Variants in ESRRA observed in about 807,000 individuals in gnomAD.
ESRRA encodes estrogen related receptor alpha.
A neutral mutation model predicts 35.6 loss-of-function variants in ESRRA; 7 were observed. The ratio of observed to expected loss-of-function variants is 0.20; its 90% CI spans 0.11 to 0.37. The LOEUF is 0.37. Ranked by LOEUF, ESRRA falls within the 10% of genes least tolerant of loss-of-function variation. The pLI, the probability that ESRRA is intolerant of heterozygous loss-of-function variation, is 1.00. For missense variants in ESRRA, 378 were observed against 561.7 expected (o/e 0.67, Z 3.31); for synonymous variants, 223 against 246.9 (o/e 0.90, Z 0.91).
rs543145308 is a variant in ESRRA, at chr11:64,313,759, C to T, written c.326-192C>T. The T allele has an allele frequency of 7.3e-4, 401 of 546,008 alleles. No individual in the cohort carries two copies. Among genetic ancestry groups the T allele is most frequent in the Admixed American group, 1.3e-3 (42 of 31,270 alleles). The allele number at this position is 546,008 out of a possible 1,614,324, so 33.8% of individuals were successfully genotyped here. ...GCAGCCCCGCTGCCTGGTCCAGCTC[C>T]TCCCTCATCCAGGCAGGGCTCCCCC... On this transcript the variant is annotated intron_variant, in intron 2 of 6. Transcript: ENST00000000442. This position sits in a 1 kb window ranked among gnomAD's most constrained non-coding sequence, Gnocchi z 4.0.
In ESRRA at chr11:64,309,209, C is replaced by T. The variant is rs200053643; in HGVS notation, c.325+1705C>T. Among the ~76,000 whole-genome samples, 293 of 151,812 alleles carry T rather than the reference C, an allele frequency of 1.9e-3. 2 individuals carry two copies. Among genetic ancestry groups the T allele is most frequent in the East Asian group, 0.017 (86 of 5,154 alleles). On this transcript the variant is annotated intron_variant, in intron 2 of 6. Coordinates refer to ENST00000000442, the MANE Select transcript of ESRRA (RefSeq NM_004451.5). ...CAGCACTTTGGGAGGCTGAGGCAGA[C>T]GGATCACGAGGTCAGGAGTTCGAGA...
intron 1 of ESRRA, chr11:64,306,668 G>C (rs1476192253): frequency 6.5e-6 from 1 of 153,254 alleles, no homozygotes; most frequent in African/African-American, 2.4e-5. Context: ...GAGCCTGCGT[G>C]GGCTTGTGGG....
Position 64,315,758 on chromosome 11 carries a change from T to C in ESRRA, c.1064T>C (p.Leu355Pro). The change falls in exon 7 of 7, where the codon CTG (leucine) becomes CCG (proline). Residue 355 changes from leucine to proline, a missense_variant. Physicochemically the swap from Leu to Pro is moderately conservative, Grantham distance 98. Coordinates refer to ENST00000000442, the MANE Select transcript of ESRRA (RefSeq NM_004451.5). Reference protein sequence around the residue: ...AEAVEQLREALHEALLEYEAG... With the variant: ...AEAVEQLREAPHEALLEYEAG... The stretch of plus-strand genomic sequence containing the variant: ...GCTGTGGAGCAGCTGCGAGAAGCTC[T>C]GCACGAGGCCCTGCTGGAGTATGAA... The C allele has an allele frequency of 6.2e-7, 1 of 1,613,908 alleles. No individual in the cohort carries two copies. Among genetic ancestry groups the C allele is most frequent in the Non-Finnish European group, 8.5e-7 (1 of 1,179,798 alleles).
chr11:64,307,692 G>A (rs1414635357), intron 2 of ESRRA, among the ~76,000 whole-genome samples, 188 bp downstream of exon 2: 2 of 152,212 alleles, frequency 1.3e-5, no homozygotes, highest in African/African-American at 4.8e-5. Context: ...CTGATGCATT[G>A]CAGTGGATGT....
chr11:64,315,813 TGAGC>T lies in ESRRA; in HGVS notation c.1121_1124del (p.Glu374GlyfsTer28), dbSNP rs1231401604. ...GCCGGGCTGGCCCCGGAGGGGGTGC[TGAGC>T]GGCGGCGGGCGGGCAGGCTGCTGCT... is the stretch of plus-strand genomic sequence containing the variant. On this transcript the variant is annotated frameshift_variant, in exon 7 of 7. Coordinates refer to ENST00000000442, the MANE Select transcript of ESRRA (RefSeq NM_004451.5). LOFTEE classifies it high-confidence loss of function. 6.2e-7 allele frequency: 1 copy of T among 1,612,122 alleles called. No homozygotes were observed. Among genetic ancestry groups the T allele is most frequent in the African/African-American group, 1.3e-5 (1 of 74,870 alleles).
At chr11:64,310,882 A>G (rs1338106719) in intron 2 of ESRRA, among the ~76,000 whole-genome samples, 1 of 152,062 alleles carries the variant, frequency 6.6e-6, no homozygotes, top group African/African-American at 2.4e-5. Context: ...AAAATCCACC[A>G]ATCTTAAACT....
chr11:64,315,309 G>A (rs369589373), intron 6 of ESRRA, 39 bp downstream of exon 6: 243 of 1,518,580 alleles, frequency 1.6e-4, no homozygotes, highest in Non-Finnish European at 1.9e-4. Flanking sequence ...AGGTGTCTCC[G>A]TAAGGTCTTC....
chr11:64,307,080 G>A, intron 1 of ESRRA, 88 bp from the exon 2 acceptor site: 6 of 1,158,790 alleles, frequency 5.2e-6, no homozygotes, highest in Non-Finnish European at 7.3e-6. Flanking sequence ...CCTGGCCCTA[G>A]GCCCGAGGTT....
At position 64,313,982 on chromosome 11, in the gene ESRRA, C is replaced by T. The variant is rs375989975; in HGVS notation, c.357C>T (p.Asn119=). The change falls in exon 3 of 7, where the codon AAC becomes AAT. Residue 119 remains asparagine, a synonymous_variant. Coordinates refer to ENST00000000442, the MANE Select transcript of ESRRA (RefSeq NM_004451.5). This position sits in a 1 kb window ranked among gnomAD's most constrained non-coding sequence, Gnocchi z 4.0. Reference sequence around the variant, plus strand: ...TCGAGTACAGCTGTCCGGCCTCCAACGAGTGTGAGATCACCAAGCGGAGAC... The same window carrying T: ...TCGAGTACAGCTGTCCGGCCTCCAATGAGTGTGAGATCACCAAGCGGAGAC... ...GSIEYSCPAS[N]ECEITKRRRK... is the part of the protein sequence containing the mutation. The T allele has an allele frequency of 1.5e-5, 23 of 1,582,594 alleles. No homozygotes were observed. Among genetic ancestry groups the T allele is most frequent in the African/African-American group, 1.1e-4 (8 of 74,428 alleles).
intron 2 of ESRRA, among the ~76,000 whole-genome samples, chr11:64,310,939 G>A (rs916777364): frequency 6.6e-6 from 1 of 152,184 alleles, no homozygotes. Context: ...GCCGGCCAGG[G>A]TGCGGGTATC....
chr11:64,307,528 G>T, intron 2 of ESRRA, 24 bp downstream of exon 2: 1 of 1,482,858 alleles, frequency 6.7e-7, no homozygotes, highest in Non-Finnish European at 9.0e-7. Context: ...CCACTCCCCT[G>T]TCCTTTGCCC....
At chr11:64,309,124 C>T (rs1184901825) in intron 2 of ESRRA, among the ~76,000 whole-genome samples, 1 of 149,630 alleles carries the variant, frequency 6.7e-6, no homozygotes, top group East Asian at 2.0e-4. Flanking sequence ...AAAACAAAAA[C>T]AAAAACAAAA....
At chr11:64,308,346 C>G (rs1223393404) in intron 2 of ESRRA, among the ~76,000 whole-genome samples, 2 of 151,422 alleles carry the variant, frequency 1.3e-5, no homozygotes, top group African/African-American at 4.9e-5. Context: ...GAAACCGCAT[C>G]TCTACTAAAA....
At position 64,305,563 on chromosome 11, in the gene ESRRA, C is replaced by T. The variant is rs2035013947; in HGVS notation, c.-186C>T. The T allele has an allele frequency of 6.6e-6, 1 of 151,774 alleles. No homozygotes were observed. The highest frequency in any genetic ancestry group is 2.1e-4 in the South Asian group (1 of 4,846). 9.4% of individuals were successfully genotyped at this position (151,774 alleles called of 1,614,324 possible). A position where few individuals can be genotyped will look rare whatever the true frequency, so the allele number is the denominator to read the frequency against. On this transcript the variant is annotated 5_prime_UTR_variant, in exon 1 of 7. Coordinates refer to ENST00000000442, the MANE Select transcript of ESRRA (RefSeq NM_004451.5). This position sits in a 1 kb window ranked among gnomAD's most constrained non-coding sequence, Gnocchi z 5.8. Reference sequence around the variant, plus strand: ...GCGGAGTAGGAAGCGGCCGCGATGTCCTTTTGTGTCCTACAAGCAGCCGGC... The same window carrying T: ...GCGGAGTAGGAAGCGGCCGCGATGTTCTTTTGTGTCCTACAAGCAGCCGGC...
Position 64,313,981 on chromosome 11 carries a change from A to T in ESRRA, c.356A>T (p.Asn119Ile), listed in dbSNP as rs766395405. The T allele has an allele frequency of 6.3e-7, 1 of 1,582,594 alleles. No homozygotes were observed. Residue 119 changes from asparagine (N) to isoleucine (I), a missense_variant, in exon 3 of 7, where the codon AAC becomes ATC. Around this residue, in one of 4 missense-constraint regions of ESRRA, gnomAD observed 284 missense variants for 411.7 expected, o/e 0.69. Transcript: ENST00000000442. This position sits in a 1 kb window ranked among gnomAD's most constrained non-coding sequence, Gnocchi z 4.0. Reference sequence around the variant, plus strand: ...ATCGAGTACAGCTGTCCGGCCTCCAACGAGTGTGAGATCACCAAGCGGAGA... The same window carrying T: ...ATCGAGTACAGCTGTCCGGCCTCCATCGAGTGTGAGATCACCAAGCGGAGA... The part of the protein sequence containing the change: ...GSIEYSCPAS[N>I]ECEITKRRRK...
rs546063442 is a variant in ESRRA, at chr11:64,316,313, C to G, written c.*347C>G. On this transcript the variant is annotated 3_prime_UTR_variant, in exon 7 of 7. Coordinates refer to ENST00000000442, the MANE Select transcript of ESRRA (RefSeq NM_004451.5). ...GAAGGGGATGGAGGCCAGAGTCTCC[C>G]AGTGGGTGATGCTTTTGCTGCTGCT... 20 of 262,654 alleles carry G rather than the reference C, an allele frequency of 7.6e-5. No homozygotes were observed. In the South Asian group the frequency reaches 1.5e-3, roughly 19 times the overall value. 16.3% of individuals were successfully genotyped at this position (262,654 alleles called of 1,614,324 possible).
At position 64,313,737 on chromosome 11, in the gene ESRRA, GC is replaced by G; in HGVS notation, c.326-210del. On this transcript the variant is annotated intron_variant, in intron 2 of 6. Transcript: ENST00000000442. This position sits in a 1 kb window ranked among gnomAD's most constrained non-coding sequence, Gnocchi z 4.0. The stretch of plus-strand genomic sequence containing the variant: ...AGATGAGGCTTGGGGCTGAGATGCA[GC>G]CCCGCTGCCTGGTCCAGCTCCTCCC... The G allele has an allele frequency of 1.9e-6, 1 of 521,162 alleles. No homozygotes were observed. The highest frequency in any genetic ancestry group is 2.7e-5 in the South Asian group (1 of 37,342). The allele number at this position is 521,162 out of a possible 1,614,324, so 32.3% of individuals were successfully genotyped here. A position where few individuals can be genotyped will look rare whatever the true frequency, so the allele number is the denominator to read the frequency against.
rs374339647 is a variant in ESRRA, at chr11:64,314,310, T to A, written c.514T>A (p.Phe172Ile). The A allele has an allele frequency of 1.2e-6, 2 of 1,609,376 alleles. No individual in the cohort carries two copies. Among genetic ancestry groups the A allele is most frequent in the Non-Finnish European group, 1.7e-6 (2 of 1,178,402 alleles). The part of the protein sequence containing the change: ...KRRPEVDPLP[F>I]PGPFPAGPLA... ...GCGGCCGGAGGTGGACCCACTGCCCTTCCCGGGCCCCTTCCCTGCTGGGCC... is the reference window on the plus strand; with the variant it reads ...GCGGCCGGAGGTGGACCCACTGCCCATCCCGGGCCCCTTCCCTGCTGGGCC... Residue 172 changes from phenylalanine to isoleucine, a missense_variant, in exon 4 of 7, where the codon TTC (phenylalanine) becomes ATC (isoleucine). Coordinates refer to ENST00000000442, the MANE Select transcript of ESRRA (RefSeq NM_004451.5).
intron 4 of ESRRA, 64 bp downstream of exon 4, chr11:64,314,431 C>T (rs2035200866): frequency 1.4e-6 from 2 of 1,460,846 alleles, no homozygotes; most frequent in Non-Finnish European, 1.8e-6. Context: ...TCATAGTTAC[C>T]TTGGGCACTG....
Sources: gnomAD v4.1 joint callset for allele counts (sites outside exome capture counted in the v4.1 genomes callset) on GRCh38, gnomAD v4.1.1 for gene constraint, gnomAD v4.1.1 regional missense constraint, Gnocchi (gnomAD v3.1) non-coding constraint, MANE v1.5 for transcripts, NCBI Gene and HGNC (gene_info 2026-07-23, HGNC 2026-07-21) for gene names.